Variants in CNKSR1 observed in about 807,000 individuals in gnomAD.
CNKSR1 encodes the protein CNK homolog protein 1.
In CNKSR1, 88 loss-of-function variants were observed where a neutral mutation model predicts 95.6. That is an observed-to-expected ratio of 0.92 (90% CI 0.78 to 1.10). The LOEUF is 1.10. CNKSR1 is among the 50% of genes least tolerant of loss of function. The pLI is 0.00. For synonymous variants in CNKSR1, 355 were observed against 369.7 expected, an observed-to-expected ratio of 0.96 and a Z score of 0.46; for missense variants, 836 against 912.0, an observed-to-expected ratio of 0.92 and a Z score of 1.07.
intron 6 of CNKSR1, among the ~76,000 whole-genome samples, chr1:26,182,995 C>G (rs1335236764): frequency 6.6e-6 from 1 of 152,122 alleles, no homozygotes; most frequent in East Asian, 1.9e-4. Flanking sequence ...CTCCAGCTTC[C>G]CTCTGGCTCT....
In CNKSR1 at chr1:26,182,313, T is replaced by C. The variant is rs376576801; in HGVS notation, c.478-48T>C. 5.7e-5 allele frequency: 91 copies of C among 1,597,556 alleles called. No homozygotes were observed. In the African/African-American group the frequency reaches 1.1e-3, roughly 20 times the overall value. The stretch of plus-strand genomic sequence containing the variant: ...TGCCCCCAGGAGAAGGCAGTCCCCT[T>C]ATGGCCCTTGCTCAGGGGAGGCCCC... On this transcript the variant is annotated intron_variant, in intron 4 of 20. Coordinates refer to ENST00000361530, the MANE Select transcript of CNKSR1 (RefSeq NM_006314.3).
At chr1:26,178,271 TAGAGTC>T (rs1460440488) in intron 1 of CNKSR1, among the ~76,000 whole-genome samples, 1 of 152,146 alleles carries the variant, frequency 6.6e-6, no homozygotes, top group Non-Finnish European at 1.5e-5. Context: ...ATCCGTTTCT[TAGAGTC>T]AGAAACTGAC....
chr1:26,183,630 G>A (rs2088684255), intron 8 of CNKSR1, 99 bp from the exon 9 acceptor site: 2 of 1,070,346 alleles, frequency 1.9e-6, no homozygotes, highest in Non-Finnish European at 2.9e-6. Flanking sequence ...AGGCAGAAGT[G>A]GGAGGCTGAG....
rs145868405 is a variant in CNKSR1, at chr1:26,181,925, G to A, written c.461G>A (p.Ser154Asn). 1.0e-3 allele frequency: 1,639 copies of A among 1,614,016 alleles called. 1 individual carries two copies. Among genetic ancestry groups the A allele is most frequent in the Middle Eastern group, 8.3e-3 (50 of 6,056 alleles). Residue 154 changes from serine (S) to asparagine (N), a missense_variant, in exon 4 of 21, where the codon AGC becomes AAC. By Grantham distance (46) the Ser-to-Asn change is conservative (BLOSUM62 1). Transcript: ENST00000361530. The stretch of plus-strand genomic sequence containing the variant: ...ATCCGAGACTTGTTGGAGGAGCTGA[G>A]CCAGGTCTTGCATGAGGTAGGAGAA... ...QEIRDLLEELSQVLHEDGPAA... is the reference protein window; with the variant it reads ...QEIRDLLEELNQVLHEDGPAA...
chr1:26,185,169 TG>T lies in CNKSR1; in HGVS notation c.1293del (p.Trp431CysfsTer50), dbSNP rs1378840860. ...TGTGCTCAAGGGACACACGCTCTAC[TG>T]GTACCGCCAGCCCCAGGTAAGACCC... ...WFVLKGHTLY[W>X]YRQPQDEKAE... On this transcript the variant is annotated frameshift_variant, in exon 14 of 21. Transcript: ENST00000361530. LOFTEE classifies it high-confidence loss of function. The T allele has an allele frequency of 6.4e-7, 1 of 1,558,122 alleles. No homozygotes were observed. Among genetic ancestry groups the T allele is most frequent in the Non-Finnish European group, 8.7e-7 (1 of 1,151,114 alleles).
intron 1 of CNKSR1, among the ~76,000 whole-genome samples, chr1:26,178,527 G>A (rs1424585554): frequency 2.0e-5 from 3 of 152,190 alleles, no homozygotes; most frequent in South Asian, 2.1e-4. Context: ...CACACAGTGC[G>A]ACCAGGAGCA....
Position 26,188,511 on chromosome 1 carries a change from G to T in CNKSR1, c.1590+8G>T. The T allele has an allele frequency of 6.2e-7, 1 of 1,600,352 alleles. No individual in the cohort carries two copies. The highest frequency in any genetic ancestry group is 8.5e-7 in the Non-Finnish European group (1 of 1,173,894). ...GGGTCCCACTCAGCCTCGGTGAGTG[G>T]GGGGCTGCCGGGGGTAGGAGGTGGG... On this transcript the variant is annotated splice_region_variant and intron_variant, in intron 18 of 20. Coordinates refer to ENST00000361530, the MANE Select transcript of CNKSR1 (RefSeq NM_006314.3).
chr1:26,182,282 C>T, intron 4 of CNKSR1, 79 bp from the exon 5 acceptor site: 1 of 1,461,056 alleles, frequency 6.8e-7, no homozygotes, highest in Non-Finnish European at 9.6e-7. Flanking sequence ...GTACGGAATC[C>T]CACCCTGCCC....
Position 26,180,830 on chromosome 1 carries a change from T to C in CNKSR1, c.326T>C (p.Ile109Thr). ...CTGGGGGACTGTGCCAAGACCCCTA[T>C]TGATGTCCTCTGTGCAGCTGTGGAG... ...GCLGDCAKTPIDVLCAAVELL... is the reference protein window; with the variant it reads ...GCLGDCAKTPTDVLCAAVELL... The change falls in exon 3 of 21, where the codon ATT (isoleucine) becomes ACT (threonine). Residue 109 changes from isoleucine to threonine, a missense_variant. Coordinates refer to ENST00000361530, the MANE Select transcript of CNKSR1 (RefSeq NM_006314.3). The C allele has an allele frequency of 6.2e-7, 1 of 1,614,222 alleles. No homozygotes were observed. The highest frequency in any genetic ancestry group is 8.5e-7 in the Non-Finnish European group (1 of 1,180,034).
rs574101210 is a variant in CNKSR1 at position 26,189,222 on chromosome 1, G to A, written c.1873-57G>A. ...GACCTCCGGAGTGAAGTCTGGCCTC[G>A]GGCTCTGCCCACTTCCCTGGGTGAT... On this transcript the variant is annotated intron_variant, in intron 20 of 20. Coordinates refer to ENST00000361530, the MANE Select transcript of CNKSR1 (RefSeq NM_006314.3). 2.7e-4 allele frequency: 430 copies of A among 1,602,932 alleles called. 1 individual carries two copies. Among genetic ancestry groups the A allele is most frequent in the Middle Eastern group, 2.6e-3 (15 of 5,856 alleles).
At chr1:26,186,713 A>T (rs2088757686) in intron 14 of CNKSR1, among the ~76,000 whole-genome samples, 2 of 151,730 alleles carry the variant, frequency 1.3e-5, no homozygotes, top group Admixed American at 1.3e-4. Flanking sequence ...TGACCTCATG[A>T]TCTGCCCGCC....
rs1440223000 is a variant in CNKSR1, at chr1:26,177,532, C to T, written c.-16C>T. On this transcript the variant is annotated 5_prime_UTR_variant, in exon 1 of 21. Coordinates refer to ENST00000361530, the MANE Select transcript of CNKSR1 (RefSeq NM_006314.3). ...AGGGCAAAACAGGAGCTGATTCGAG[C>T]TGGCAGAGCTGGGCCATGGAACCGG... 6.2e-7 allele frequency: 1 copy of T among 1,613,854 alleles called. No individual in the cohort carries two copies. The highest frequency in any genetic ancestry group is 8.5e-7 in the Non-Finnish European group (1 of 1,180,002).
In CNKSR1 at chr1:26,189,414, G is replaced by T; in HGVS notation, c.2008G>T (p.Ala670Ser). The change falls in exon 21 of 21, where the codon GCT (alanine) becomes TCT (serine). Residue 670 changes from alanine to serine, a missense_variant. By Grantham distance (99) the Ala-to-Ser change is moderately conservative. Coordinates refer to ENST00000361530, the MANE Select transcript of CNKSR1 (RefSeq NM_006314.3). ...CCTGGGGGCCTGGGGAGTGGCACAG[G>T]CTGAAGGCAGCTCCCACATCTTGAC... ...EGLGAWGVAQ[A>S]EGSSHILTSD... is the part of the protein sequence containing the mutation. 2 of 1,614,140 alleles carry T rather than the reference G, an allele frequency of 1.2e-6. No homozygotes were observed. Among genetic ancestry groups the T allele is most frequent in the Non-Finnish European group, 1.7e-6 (2 of 1,180,012 alleles).
Position 26,177,562 on chromosome 1 carries a change from G to C in CNKSR1, c.15G>C (p.Glu5Asp), listed in dbSNP as rs1190185440. ...AGAGCTGGGCCATGGAACCGGTAGA[G>C]ACCTGGACCCCCGGAAAGGTGGCAA... MEPV[E>D]TWTPGKVATW... The change falls in exon 1 of 21, where the codon GAG becomes GAC. Residue 5 changes from glutamate (E) to aspartate (D), a missense_variant. By Grantham distance (45) the Glu-to-Asp change is conservative. Coordinates refer to ENST00000361530, the MANE Select transcript of CNKSR1 (RefSeq NM_006314.3). 3.1e-6 allele frequency: 5 copies of C among 1,614,158 alleles called. No individual in the cohort carries two copies. The highest frequency in any genetic ancestry group is 4.2e-6 in the Non-Finnish European group (5 of 1,180,034).
chr1:26,186,934 T>G, intron 14 of CNKSR1: 3 of 490,852 alleles, frequency 6.1e-6, no homozygotes, highest in South Asian at 2.4e-5. Flanking sequence ...TTTTTGGCTG[T>G]TTCTCTGATA....
intron 16 of CNKSR1, 39 bp from the exon 17 acceptor site, chr1:26,188,195 G>T: frequency 6.3e-7 from 1 of 1,585,138 alleles, no homozygotes; most frequent in Non-Finnish European, 8.7e-7. Flanking sequence ...GAGGGCCCCA[G>T]TGGATGGAAA....
intron 16 of CNKSR1, among the ~76,000 whole-genome samples, 167 bp downstream of exon 16, chr1:26,187,649 G>A (rs1336290285): frequency 7.4e-6 from 1 of 134,634 alleles, no homozygotes; most frequent in African/African-American, 2.8e-5. Flanking sequence ...TTGAGACAGA[G>A]TCTCACTATG....
chr1:26,180,259 T>C, intron 1 of CNKSR1, 194 bp from the exon 2 acceptor site: 1 of 666,012 alleles, frequency 1.5e-6, no homozygotes, highest in African/African-American at 1.8e-5. Flanking sequence ...GGGGGCCACT[T>C]TTAAGAACCC....
At chr1:26,187,381 G>T in intron 15 of CNKSR1, 30 bp from the exon 16 acceptor site, 1 of 1,613,472 alleles carries the variant, frequency 6.2e-7, no homozygotes, top group Non-Finnish European at 8.5e-7. Flanking sequence ...GCACGCCCAG[G>T]CTGAGTGATG....
Sources: gnomAD v4.1 joint callset for allele counts (sites outside exome capture counted in the v4.1 genomes callset) on GRCh38, gnomAD v4.1.1 for gene constraint, MANE v1.5 for transcripts, NCBI Gene and HGNC (gene_info 2026-07-23, HGNC 2026-07-21) for gene names.